CCSER1: variants seen among roughly 807,000 people sequenced by gnomAD.
CCSER1 encodes the protein serine-rich coiled-coil domain-containing protein 1.
Under a neutral mutation model 82.0 loss-of-function variants are expected in CCSER1, and 41 were observed. The observed-to-expected ratio is 0.50, with a 90% CI of 0.39 to 0.65. The LOEUF is 0.65. Among genes scored for constraint, CCSER1 ranks in the 30% least tolerant of loss-of-function variants. CCSER1 has a pLI of 0.00. For synonymous variants in CCSER1, 414 were observed against 383.9 expected (o/e 1.08, Z -0.92); for missense variants, 1,119 against 1,064.2 (o/e 1.05, Z -0.72).
chr4:90,295,398 A>G (rs1030003434), intron 1 of CCSER1, among the ~76,000 whole-genome samples: 1 of 151,998 alleles, frequency 6.6e-6, no homozygotes, highest in African/African-American at 2.4e-5. Flanking sequence ...TTGATAATGG[A>G]GTTGAATATC....
chr4:90,456,991 T>C (rs1762253191), intron 4 of CCSER1, among the ~76,000 whole-genome samples: 1 of 152,172 alleles, frequency 6.6e-6, no homozygotes. Context: ...TACTACTGGC[T>C]CAGATCCGAT....
chr4:91,517,340 A>G (rs1428701983), intron 10 of CCSER1, among the ~76,000 whole-genome samples: 1 of 152,148 alleles, frequency 6.6e-6, no homozygotes, highest in Non-Finnish European at 1.5e-5. Flanking sequence ...GTTTTAAAAG[A>G]TAACTCTTTA....
chr4:90,596,720 A>G (rs1193508744), intron 5 of CCSER1, among the ~76,000 whole-genome samples: 1 of 126,672 alleles, frequency 7.9e-6, no homozygotes, highest in Admixed American at 7.2e-5. Context: ...TTTTTTTACC[A>G]AAAAAAAGAC....
chr4:90,399,961 C>T (rs1002681634), intron 3 of CCSER1, 75 bp from the exon 4 acceptor site: 20 of 725,132 alleles, frequency 2.8e-5, no homozygotes, highest in South Asian at 2.4e-4. Context: ...TTTTGCTTCA[C>T]GGCTTCCACA....
At chr4:91,229,644 A>G (rs1198861138) in intron 10 of CCSER1, among the ~76,000 whole-genome samples, 1 of 152,194 alleles carries the variant, frequency 6.6e-6, no homozygotes, top group Non-Finnish European at 1.5e-5. Flanking sequence ...ACCATGGAAT[A>G]CTATGCACCT....
intron 10 of CCSER1, among the ~76,000 whole-genome samples, chr4:91,200,110 C>G (rs1276221516): frequency 6.6e-6 from 1 of 151,944 alleles, no homozygotes; most frequent in African/African-American, 2.4e-5. Context: ...AGCATTGTTT[C>G]AAAATGTTTT....
chr4:90,761,296 A>G (rs141520345), intron 7 of CCSER1, among the ~76,000 whole-genome samples: 1 of 152,240 alleles, frequency 6.6e-6, no homozygotes, highest in African/African-American at 2.4e-5. Flanking sequence ...GAGACCAACA[A>G]TATTATCTTA....
intron 5 of CCSER1, among the ~76,000 whole-genome samples, chr4:90,517,449 G>T (rs1467344529): frequency 6.6e-6 from 1 of 152,114 alleles, no homozygotes; most frequent in Non-Finnish European, 1.5e-5. Context: ...ACTCACATAA[G>T]TAGATAGGTG....
At chr4:91,407,654 T>C (rs1001826220) in intron 10 of CCSER1, among the ~76,000 whole-genome samples, 2 of 152,078 alleles carry the variant, frequency 1.3e-5, no homozygotes, top group Non-Finnish European at 2.9e-5. Flanking sequence ...CTTCCACTCA[T>C]GGTAGAAGGG....
intron 7 of CCSER1, among the ~76,000 whole-genome samples, chr4:90,807,901 A>T (rs763663047): frequency 5.9e-5 from 9 of 152,200 alleles, no homozygotes; most frequent in East Asian, 1.9e-4. Flanking sequence ...AAAAAATTTT[A>T]AAACTTATGT....
At chr4:91,579,116 TTA>T (rs1265107401) in intron 10 of CCSER1, among the ~76,000 whole-genome samples, 5 of 151,444 alleles carry the variant, frequency 3.3e-5, no homozygotes, top group African/African-American at 1.2e-4. Context: ...ACTATTATTA[TTA>T]TATTATTATT....
intron 1 of CCSER1, among the ~76,000 whole-genome samples, chr4:90,220,510 T>C (rs1213534318): frequency 1.3e-5 from 2 of 152,114 alleles, no homozygotes; most frequent in Non-Finnish European, 2.9e-5. Context: ...TAGATTTTAA[T>C]GAACAGGATT....
intron 4 of CCSER1, among the ~76,000 whole-genome samples, chr4:90,408,033 A>T (rs1754013832): frequency 6.6e-6 from 1 of 152,276 alleles, no homozygotes; most frequent in South Asian, 2.1e-4. Context: ...AGCCTCACTC[A>T]TTGCTAGCAC....
At chr4:91,504,927 A>C (rs1759405206) in intron 10 of CCSER1, among the ~76,000 whole-genome samples, 2 of 152,066 alleles carry the variant, frequency 1.3e-5, no homozygotes, top group African/African-American at 2.4e-5. Flanking sequence ...CTCTCAAATT[A>C]TTTTATTCTT....
At chr4:90,489,498 T>C (rs1350383520) in intron 5 of CCSER1, among the ~76,000 whole-genome samples, 1 of 152,182 alleles carries the variant, frequency 6.6e-6, no homozygotes, top group African/African-American at 2.4e-5. Context: ...TAATAGGTAG[T>C]ACGTCACTTC....
At chr4:91,357,249 C>A (rs1480919129) in intron 10 of CCSER1, among the ~76,000 whole-genome samples, 1 of 151,976 alleles carries the variant, frequency 6.6e-6, no homozygotes, top group Admixed American at 6.6e-5. Context: ...TTAAATTTTA[C>A]CTTTATATTA....
At chr4:91,510,337 TTGAA>T (rs1183725867) in intron 10 of CCSER1, among the ~76,000 whole-genome samples, 3 of 152,170 alleles carry the variant, frequency 2.0e-5, no homozygotes, top group Admixed American at 6.6e-5. Flanking sequence ...GTCTTTTTGG[TTGAA>T]TGATTTATTT....
intron 3 of CCSER1, among the ~76,000 whole-genome samples, chr4:90,325,335 G>T (rs1442271821): frequency 6.6e-6 from 1 of 152,152 alleles, no homozygotes; most frequent in East Asian, 1.9e-4. Flanking sequence ...AGCAGTAAAT[G>T]AGAATTAGAT....
chr4:90,142,594 C>A (rs1724997727), intron 1 of CCSER1, among the ~76,000 whole-genome samples: 1 of 151,280 alleles, frequency 6.6e-6, no homozygotes. Context: ...ATGCACAATA[C>A]AGCAGAGGGA....
Sources: gnomAD v4.1 joint callset for allele counts (sites outside exome capture counted in the v4.1 genomes callset) on GRCh38, gnomAD v4.1.1 for gene constraint, MANE v1.5 for transcripts, NCBI Gene and HGNC (gene_info 2026-07-23, HGNC 2026-07-21) for gene names.